Variants in USH1C observed in about 807,000 individuals in gnomAD.
The protein encoded by USH1C is harmonin.
A neutral mutation model predicts 119.3 loss-of-function variants in USH1C; 90 were observed. The ratio of observed to expected loss-of-function variants is 0.75; its 90% CI spans 0.64 to 0.90. USH1C has a LOEUF of 0.90. Ranked by LOEUF, USH1C falls within the 40% of genes least tolerant of loss-of-function variation. USH1C has a pLI of 0.00. For synonymous variants in USH1C, 465 were observed against 443.3 expected (o/e 1.05, Z -0.62); for missense variants, 1,165 against 1,167.7 (o/e 1.00, Z 0.03).
Position 17,522,903 on chromosome 11 carries a change from G to T in USH1C, c.900C>A (p.Asp300Glu). Residue 300 changes from aspartate (D) to glutamate (E), a missense_variant, in exon 12 of 27, where the codon GAC becomes GAA. Transcript: ENST00000005226. Reference sequence around the variant, plus strand: ...GCCGCGCCTCTGCCAGCCGCTCCCGGTCTGTCATGAACAGCTCCCGGCCCT... The same window carrying T: ...GCCGCGCCTCTGCCAGCCGCTCCCGTTCTGTCATGAACAGCTCCCGGCCCT... ...AAAGRELFMTDRERLAEARQR... is the reference protein window; with the variant it reads ...AAAGRELFMTERERLAEARQR... 1 of 1,612,654 alleles carries T rather than the reference G, an allele frequency of 6.2e-7. No homozygotes were observed.
At chr11:17,500,493 T>C (rs981901644) in intron 23 of USH1C, among the ~76,000 whole-genome samples, 1 of 152,346 alleles carries the variant, frequency 6.6e-6, no homozygotes, top group South Asian at 2.1e-4. Context: ...GCAAACCAGA[T>C]GAATAGCTTC....
At chr11:17,534,635 G>A (rs561124860) in intron 1 of USH1C, among the ~76,000 whole-genome samples, 1 of 152,312 alleles carries the variant, frequency 6.6e-6, no homozygotes, top group African/African-American at 2.4e-5. Context: ...AGCACTTTGG[G>A]AGGCCGAGGT....
chr11:17,494,272 C>T lies in USH1C; in HGVS notation c.*60G>A. 1 of 1,571,298 alleles carries T rather than the reference C, an allele frequency of 6.4e-7. No homozygotes were observed. Among genetic ancestry groups the T allele is most frequent in the East Asian group, 2.3e-5 (1 of 43,488 alleles). ...TGCCATCTGGTGTGTGTAGTGTGGC[C>T]TCTCTCAAGGCTGATCCGAGGCTTT... On this transcript the variant is annotated 3_prime_UTR_variant, in exon 27 of 27. Coordinates refer to ENST00000005226, the MANE Select transcript of USH1C (RefSeq NM_153676.4).
Position 17,533,306 on chromosome 11 carries a change from T to C in USH1C, c.53A>G (p.Glu18Gly). ...EFRHKVDFLI[E>G]NDAEKDYLYD... ...GAGATAGTCCTTCTCTGCATCATTT[T>C]CAATCAGAAAATCCACCTGGAAAAT... The change falls in exon 2 of 27, where the codon GAA (glutamate) becomes GGA (glycine). Residue 18 changes from glutamate (E) to glycine (G), a missense_variant. Glu to Gly is a moderately conservative substitution (Grantham distance 98). Coordinates refer to ENST00000005226, the MANE Select transcript of USH1C (RefSeq NM_153676.4). 6.2e-7 allele frequency: 1 copy of C among 1,613,606 alleles called. No homozygotes were observed. The highest frequency in any genetic ancestry group is 1.1e-5 in the South Asian group (1 of 91,086).
At chr11:17,520,465 G>A (rs1171746224) in intron 14 of USH1C, among the ~76,000 whole-genome samples, 4 of 152,082 alleles carry the variant, frequency 2.6e-5, no homozygotes, top group Non-Finnish European at 5.9e-5. Context: ...TCTGATGTGA[G>A]GTCCTTCCCC....
At chr11:17,530,684 G>A (rs1043518131) in intron 4 of USH1C, among the ~76,000 whole-genome samples, 3 of 152,194 alleles carry the variant, frequency 2.0e-5, no homozygotes, top group Non-Finnish European at 2.9e-5. Context: ...TGAAGCACAG[G>A]GTTAAGTCAT....
intron 1 of USH1C, among the ~76,000 whole-genome samples, chr11:17,541,008 G>C (rs181973023): frequency 9.7e-4 from 148 of 152,248 alleles, no homozygotes; most frequent in African/African-American, 3.3e-3. Context: ...CCTACTTGCT[G>C]TTCCATACAG....
chr11:17,502,187 G>A (rs1344982723), intron 20 of USH1C: 2 of 560,168 alleles, frequency 3.6e-6, no homozygotes, highest in Non-Finnish European at 3.2e-6. Flanking sequence ...AGGAGGCTGA[G>A]GAAGACTTTA....
chr11:17,501,027 TG>T, intron 23 of USH1C, 23 bp downstream of exon 23: 1 of 1,602,086 alleles, frequency 6.2e-7, no homozygotes, highest in Non-Finnish European at 8.5e-7. Flanking sequence ...TCCCCAAACC[TG>T]GGTGTGGCTA....
chr11:17,531,280 C>T lies in USH1C; in HGVS notation c.261G>A (p.Glu87=), dbSNP rs1850961779. ...CGGGGTGCAGACGGTCCAGACGCACCTCCTTCAGCTTCCTGCCACACAGGA... is the reference window on the plus strand; with the variant it reads ...CGGGGTGCAGACGGTCCAGACGCACTTCCTTCAGCTTCCTGCCACACAGGA... The part of the protein sequence containing the change: ...LTPRRSRKLK[E]VRLDRLHPEG... Residue 87 remains glutamate, a synonymous_variant, in exon 4 of 27, where the codon GAG becomes GAA. Transcript: ENST00000005226. The surrounding 1 kb of genome is among the most constrained non-coding windows in gnomAD (Gnocchi z 4.2). 2 of 1,614,156 alleles carry T rather than the reference C, an allele frequency of 1.2e-6. No homozygotes were observed. Among genetic ancestry groups the T allele is most frequent in the African/African-American group, 1.3e-5 (1 of 75,048 alleles).
At chr11:17,498,067 TG>T in intron 24 of USH1C, 94 bp downstream of exon 24, 1 of 1,141,358 alleles carries the variant, frequency 8.8e-7, no homozygotes, top group Non-Finnish European at 1.3e-6. Context: ...ATGCCCACCC[TG>T]GAATGAGGCA....
intron 7 of USH1C, 133 bp from the exon 8 acceptor site, chr11:17,526,574 G>T: frequency 2.7e-6 from 3 of 1,119,014 alleles, no homozygotes; most frequent in Non-Finnish European, 4.0e-6. Flanking sequence ...CTGGGGATGT[G>T]TCTGCACCAG....
chr11:17,523,257 A>G lies in USH1C; in HGVS notation c.830T>C (p.Val277Ala). The G allele has an allele frequency of 1.9e-6, 3 of 1,614,174 alleles. No individual in the cohort carries two copies. ...GGTCAGGCTGCGGCTACTCTTCAGC[A>G]CATTTACAGCCTGTGGGGACAGAAG... ...SNLDHKEAVNVLKSSRSLTIS... is the reference protein window; with the variant it reads ...SNLDHKEAVNALKSSRSLTIS... The change falls in exon 11 of 27, where the codon GTG becomes GCG. Residue 277 changes from valine to alanine, a missense_variant. Coordinates refer to ENST00000005226, the MANE Select transcript of USH1C (RefSeq NM_153676.4).
intron 14 of USH1C, among the ~76,000 whole-genome samples, chr11:17,517,193 G>C (rs1034015876): frequency 1.3e-5 from 2 of 152,192 alleles, no homozygotes; most frequent in Non-Finnish European, 2.9e-5. Context: ...GTGTGCAACA[G>C]CTGATCTACC....
At chr11:17,499,623 G>C (rs1431406354) in intron 23 of USH1C, among the ~76,000 whole-genome samples, 1 of 152,192 alleles carries the variant, frequency 6.6e-6, no homozygotes, top group Non-Finnish European at 1.5e-5. Flanking sequence ...GAAGAAGGTG[G>C]GGCCTGGGTG....
At position 17,524,377 on chromosome 11, in the gene USH1C, C is replaced by T. The variant is rs570059736; in HGVS notation, c.759+74G>A. The stretch of plus-strand genomic sequence containing the variant: ...GAGGGCCATGTGGAAAGGCACCTGC[C>T]CCTGTCACCGCGGGATCACAGTCTG... On this transcript the variant is annotated intron_variant, in intron 9 of 26. Coordinates refer to ENST00000005226, the MANE Select transcript of USH1C (RefSeq NM_153676.4). 9 of 1,493,216 alleles carry T rather than the reference C, an allele frequency of 6.0e-6. No individual in the cohort carries two copies. In the Admixed American group the frequency reaches 1.6e-4, roughly 26 times the overall value. 92.5% of individuals were successfully genotyped at this position (1,493,216 alleles called of 1,614,324 possible). A position where few individuals can be genotyped will look rare whatever the true frequency, so the allele number is the denominator to read the frequency against.
intron 4 of USH1C, among the ~76,000 whole-genome samples, chr11:17,528,542 C>T (rs532335736): frequency 1.6e-4 from 24 of 152,182 alleles, no homozygotes; most frequent in South Asian, 1.0e-3. Context: ...GGGCTTAACT[C>T]GAAACACACG....
At chr11:17,525,714 A>G (rs1423366221) in intron 8 of USH1C, among the ~76,000 whole-genome samples, 1 of 152,232 alleles carries the variant, frequency 6.6e-6, no homozygotes, top group Non-Finnish European at 1.5e-5. Flanking sequence ...CAAGTTAATA[A>G]GTGACAAGAG....
intron 18 of USH1C, among the ~76,000 whole-genome samples, chr11:17,507,317 G>T (rs1849689901): frequency 6.6e-6 from 1 of 152,200 alleles, no homozygotes; most frequent in African/African-American, 2.4e-5. Context: ...GACATTTATA[G>T]TCCAGTTCTT....
Sources: allele counts gnomAD v4.1 joint callset (sites outside exome capture counted in the v4.1 genomes callset), GRCh38; gene constraint gnomAD v4.1.1; non-coding constraint Gnocchi (gnomAD v3.1); transcripts MANE v1.5; gene names NCBI Gene and HGNC (gene_info 2026-07-23, HGNC 2026-07-21).